The following UBE2L3 variants were observed in gnomAD, a reference collection of about 807,000 sequenced individuals.
UBE2L3 encodes ubiquitin-conjugating enzyme E2 L3.
In UBE2L3, 1 loss-of-function variant was observed where a neutral mutation model predicts 17.8. That is an observed-to-expected ratio of 0.06 (90% CI 0.02 to 0.27). UBE2L3 has a LOEUF of 0.27. Ranked by LOEUF, UBE2L3 falls within the 10% of genes least tolerant of loss-of-function variation. The pLI is 1.00. For synonymous variants in UBE2L3, 44 were observed against 68.5 expected, an observed-to-expected ratio of 0.64 and a Z score of 1.76; for missense variants, 40 against 192.6, an observed-to-expected ratio of 0.21 and a Z score of 4.69.
At chr22:21,610,333 G>A (rs1006713101) in intron 2 of UBE2L3, among the ~76,000 whole-genome samples, 1 of 152,186 alleles carries the variant, frequency 6.6e-6, no homozygotes, top group African/African-American at 2.4e-5. Context: ...TTCAGACATA[G>A]CAGCTACATA....
chr22:21,568,437 C>T (rs1313250227), intron 1 of UBE2L3: 3 of 985,218 alleles, frequency 3.0e-6, no homozygotes, highest in South Asian at 9.4e-5. Flanking sequence ...GTTCTGCTTC[C>T]CTCTCCTCCA....
At chr22:21,583,909 T>G (rs774725281) in intron 1 of UBE2L3, among the ~76,000 whole-genome samples, 3 of 152,158 alleles carry the variant, frequency 2.0e-5, no homozygotes, top group Admixed American at 6.5e-5. Flanking sequence ...GGAGTTTCAC[T>G]CGTTGCCCAG....
At chr22:21,619,898 C>T (rs900661640) in intron 3 of UBE2L3, among the ~76,000 whole-genome samples, 1 of 152,072 alleles carries the variant, frequency 6.6e-6, no homozygotes, top group Non-Finnish European at 1.5e-5. Context: ...CACCATGTTG[C>T]CCAGGCTGGT....
chr22:21,615,683 C>T (rs377421795), intron 3 of UBE2L3, among the ~76,000 whole-genome samples: 7 of 152,320 alleles, frequency 4.6e-5, no homozygotes. Flanking sequence ...TTTGCCTACT[C>T]ACTAAAGTTT....
intron 3 of UBE2L3, 83 bp downstream of exon 3, chr22:21,611,126 C>G (rs548093254): frequency 7.1e-7 from 1 of 1,405,090 alleles, no homozygotes; most frequent in African/African-American, 1.4e-5. Flanking sequence ...CCAGATCAGA[C>G]AGAATCCAGA....
Position 21,622,292 on chromosome 22 carries a change from A to G in UBE2L3, c.*623A>G. ...CTCCTCAGTTCTTGTGTGAAACTCC[A>G]GCTGATGTTACCACAGTAACATCAG... On this transcript the variant is annotated 3_prime_UTR_variant, in exon 4 of 4. Coordinates refer to ENST00000342192, the MANE Select transcript of UBE2L3 (RefSeq NM_003347.4). The G allele has an allele frequency of 6.5e-6, 1 of 153,228 alleles. No individual in the cohort carries two copies. The highest frequency in any genetic ancestry group is 1.5e-5 in the Non-Finnish European group (1 of 68,556). The allele number at this position is 153,228 out of a possible 1,614,324, so 9.5% of individuals were successfully genotyped here.
chr22:21,573,025 A>C (rs1037634052), intron 1 of UBE2L3, among the ~76,000 whole-genome samples: 1 of 152,000 alleles, frequency 6.6e-6, no homozygotes, highest in African/African-American at 2.4e-5. Context: ...CCACTGCCTC[A>C]GTTCAGGCCA....
chr22:21,567,962 G>T (rs1024723413), intron 1 of UBE2L3, 191 bp downstream of exon 1: 2 of 1,378,528 alleles, frequency 1.5e-6, no homozygotes, highest in Admixed American at 7.5e-5. Context: ...GGGCGGGAGC[G>T]CAAGGCCGCG....
intron 3 of UBE2L3, among the ~76,000 whole-genome samples, chr22:21,619,200 G>A (rs1264719672): frequency 1.3e-5 from 2 of 152,106 alleles, no homozygotes. Context: ...ATACACTGTG[G>A]CCAGTCAGCC....
upstream of UBE2L3, chr22:21,567,454 C>G (rs148817681): frequency 0.02 from 9,457 of 470,024 alleles, 141 homozygotes; most frequent in African/African-American, 0.054. Context: ...TGAGCCCCCG[C>G]GCCTGGTCAA....
chr22:21,553,026 C>CTTTATTTTAT (rs376702499), intron 1 of UBE2L3, among the ~76,000 whole-genome samples: 179 of 6,862 alleles, frequency 0.026, 34 homozygotes, highest in Middle Eastern at 0.1. Context: ...GCGCATGGCC[C>CTTTATTTTAT]TTTATTTTAT....
intron 1 of UBE2L3, among the ~76,000 whole-genome samples, chr22:21,561,879 A>G (rs1446113375): frequency 2.0e-5 from 3 of 152,114 alleles, no homozygotes; most frequent in African/African-American, 2.4e-5. Flanking sequence ...TAGCCCAGTG[A>G]TGGGCCACTT....
At chr22:21,610,055 G>A (rs147975806) in intron 2 of UBE2L3, among the ~76,000 whole-genome samples, 2 of 152,226 alleles carry the variant, frequency 1.3e-5, no homozygotes, top group African/African-American at 4.8e-5. Context: ...AGCTTCTAAC[G>A]ACAAATTTAT....
chr22:21,585,834 A>T (rs1319100421), intron 1 of UBE2L3, among the ~76,000 whole-genome samples: 1 of 152,196 alleles, frequency 6.6e-6, no homozygotes, highest in African/African-American at 2.4e-5. Flanking sequence ...TTTAGTTGGA[A>T]TTACTGGGTT....
At chr22:21,592,791 C>T (rs1303482646) in intron 1 of UBE2L3, 70 bp from the exon 2 acceptor site, 10 of 1,216,576 alleles carry the variant, frequency 8.2e-6, no homozygotes, top group Non-Finnish European at 9.7e-6. Flanking sequence ...AATTTGAGGG[C>T]ATCAGGAGGG....
chr22:21,589,789 A>C (rs1928159326), intron 1 of UBE2L3, among the ~76,000 whole-genome samples: 1 of 152,170 alleles, frequency 6.6e-6, no homozygotes, highest in Admixed American at 6.6e-5. Context: ...GGTTAGAATC[A>C]TGTAAAGGAG....
chr22:21,606,724 C>G (rs990308317), intron 2 of UBE2L3, among the ~76,000 whole-genome samples: 1 of 152,144 alleles, frequency 6.6e-6, no homozygotes, highest in Non-Finnish European at 1.5e-5. Flanking sequence ...TGGCATATGC[C>G]TGTAGTCCCA....
rs553446746 is a variant in UBE2L3 at position 21,579,097 on chromosome 22, T to C, written c.27+11326T>C. Among the ~76,000 whole-genome samples, 9 of 152,062 alleles carry C rather than the reference T, an allele frequency of 5.9e-5. No individual in the cohort carries two copies. The East Asian group carries it at 1.5e-3, about 26-fold the overall frequency. Reference sequence around the variant, plus strand: ...CCTCTGCCTACCAGGTTCACGCAATTCTCCTGCCTCAGCCTCCCGAGTAGC... The same window carrying C: ...CCTCTGCCTACCAGGTTCACGCAATCCTCCTGCCTCAGCCTCCCGAGTAGC... On this transcript the variant is annotated intron_variant, in intron 1 of 3. Transcript: ENST00000342192.
intron 3 of UBE2L3, among the ~76,000 whole-genome samples, chr22:21,617,152 A>G (rs1929821379): frequency 6.6e-6 from 1 of 151,788 alleles, no homozygotes; most frequent in South Asian, 2.1e-4. Context: ...CTTAAAAAAA[A>G]AAAAAAAAAA....
Sources: gnomAD v4.1 joint callset for allele counts (sites outside exome capture counted in the v4.1 genomes callset) on GRCh38, gnomAD v4.1.1 for gene constraint, MANE v1.5 for transcripts, NCBI Gene and HGNC (gene_info 2026-07-23, HGNC 2026-07-21) for gene names.